Variants in SAPCD2 observed in about 807,000 individuals in gnomAD.
The protein encoded by SAPCD2 is suppressor APC domain containing 2.
A neutral mutation model predicts 37.8 loss-of-function variants in SAPCD2; 34 were observed. The ratio of observed to expected loss-of-function variants is 0.90; its 90% CI spans 0.68 to 1.20. The LOEUF (loss-of-function observed/expected upper bound fraction) is 1.20, where lower values mean the gene tolerates loss of function less well. Ranked by LOEUF, SAPCD2 falls within the 50% of genes most tolerant of loss-of-function variation. The probability of loss-of-function intolerance (pLI) is 0.00; values close to 1 mark genes in which losing one functional copy is unlikely to be tolerated. For synonymous variants in SAPCD2, 275 were observed against 270.3 expected (o/e 1.02, Z -0.17); for missense variants, 572 against 584.7 (o/e 0.98, Z 0.22).
At chr9:137,068,563 C>G (rs1832581518) in intron 1 of SAPCD2, among the ~76,000 whole-genome samples, 1 of 152,232 alleles carries the variant, frequency 6.6e-6, no homozygotes, top group Non-Finnish European at 1.5e-5. Context: ...GTTGGGGTGA[C>G]CTCAGAGCTC....
rs895028942 is a variant in SAPCD2, at chr9:137,070,148, G to A, written c.313C>T (p.Pro105Ser). Reference sequence around the variant, plus strand: ...CCGGGCCGGGCCGGGGCGCGCGTGGGGTCCCGGGGGCCGCCGTCGGCGCTC... The same window carrying A: ...CCGGGCCGGGCCGGGGCGCGCGTGGAGTCCCGGGGGCCGCCGTCGGCGCTC... ...LLSADGGPRD[P>S]TRAPARPGDQ... Residue 105 changes from proline to serine, a missense_variant, in exon 1 of 6, where the codon CCC (proline) becomes TCC (serine). Physicochemically the swap from Pro to Ser is moderately conservative, Grantham distance 74. Coordinates refer to ENST00000409687, the MANE Select transcript of SAPCD2 (RefSeq NM_178448.4). 8 of 1,205,742 alleles carry A rather than the reference G, an allele frequency of 6.6e-6. No individual in the cohort carries two copies. In the African/African-American group the frequency reaches 1.1e-4, roughly 17 times the overall value. The allele number at this position is 1,205,742 out of a possible 1,614,324, so 74.7% of individuals were successfully genotyped here. A position where few individuals can be genotyped will look rare whatever the true frequency, so the allele number is the denominator to read the frequency against.
chr9:137,066,051 C>T (rs1233953046), intron 2 of SAPCD2, among the ~76,000 whole-genome samples: 2 of 152,214 alleles, frequency 1.3e-5, no homozygotes, highest in African/African-American at 2.4e-5. Context: ...TGGGCAGCCA[C>T]CATAGCTGCC....
In SAPCD2 at chr9:137,063,811, G is replaced by C. The variant is rs1188134836; in HGVS notation, c.*848C>G. On this transcript the variant is annotated 3_prime_UTR_variant, in exon 6 of 6. Transcript: ENST00000409687. ...TGAAACCTGGGGACAGGCTGGGCGT[G>C]AGAGCAAAGGGGGGTGAGCAGGACC... The C allele has an allele frequency of 6.6e-6, 1 of 152,356 alleles. No individual in the cohort carries two copies. Among genetic ancestry groups the C allele is most frequent in the African/African-American group, 2.4e-5 (1 of 41,450 alleles). The allele number at this position is 152,356 out of a possible 1,614,324, so 9.4% of individuals were successfully genotyped here. A position where few individuals can be genotyped will look rare whatever the true frequency, so the allele number is the denominator to read the frequency against.
At chr9:137,068,516 G>A (rs1588565615) in intron 1 of SAPCD2, among the ~76,000 whole-genome samples, 1 of 152,380 alleles carries the variant, frequency 6.6e-6, no homozygotes, top group South Asian at 2.1e-4. Context: ...TGGGCTGGGG[G>A]CTTGGAAGGC....
In SAPCD2 at chr9:137,066,962, G is replaced by A. The variant is rs543924249; in HGVS notation, c.572-588C>T. 7.9e-5 allele frequency among the ~76,000 whole-genome samples: 12 copies of A among 152,244 alleles called. No homozygotes were observed. The East Asian group carries it at 2.3e-3, about 30-fold the overall frequency. On this transcript the variant is annotated intron_variant, in intron 1 of 5. Coordinates refer to ENST00000409687, the MANE Select transcript of SAPCD2 (RefSeq NM_178448.4). ...GCTTGAGCTCAGGAGTTTGAGACCAGCCTGGGCAACATGGCAAAACCCCAT... is the reference window on the plus strand; with the variant it reads ...GCTTGAGCTCAGGAGTTTGAGACCAACCTGGGCAACATGGCAAAACCCCAT...
chr9:137,065,891 G>A (rs1195445948), intron 2 of SAPCD2, among the ~76,000 whole-genome samples: 1 of 152,224 alleles, frequency 6.6e-6, no homozygotes, highest in Non-Finnish European at 1.5e-5. Flanking sequence ...CTGCTGAGGG[G>A]TCTTGGCCTT....
chr9:137,067,059 C>G (rs1832555625), intron 1 of SAPCD2, among the ~76,000 whole-genome samples: 1 of 152,130 alleles, frequency 6.6e-6, no homozygotes, highest in South Asian at 2.1e-4. Flanking sequence ...ATGATCTTGG[C>G]TCACTGCAAC....
At chr9:137,067,421 A>G (rs947479904) in intron 1 of SAPCD2, among the ~76,000 whole-genome samples, 1 of 151,612 alleles carries the variant, frequency 6.6e-6, no homozygotes, top group African/African-American at 2.4e-5. Flanking sequence ...CACTGAGCCC[A>G]GATTGCGCCA....
Position 137,062,563 on chromosome 9 carries a change from A to G in SAPCD2, c.*2096T>C, listed in dbSNP as rs1832475649. 6.6e-6 allele frequency: 1 copy of G among 152,186 alleles called. No homozygotes were observed. Among genetic ancestry groups the G allele is most frequent in the South Asian group, 2.1e-4 (1 of 4,834 alleles). The allele number at this position is 152,186 out of a possible 1,614,324, so 9.4% of individuals were successfully genotyped here. ...TCCTGAGACATTTCCGGGTGTCATC[A>G]CAGTGTGCACGCACGTGTATGTACC... On this transcript the variant is annotated 3_prime_UTR_variant, in exon 6 of 6. Transcript: ENST00000409687.
In SAPCD2 at chr9:137,070,074, G is replaced by A. The variant is rs1832602095; in HGVS notation, c.387C>T (p.Asp129=). Residue 129 remains aspartate (D), a synonymous_variant, in exon 1 of 6, where the codon GAC becomes GAT. Transcript: ENST00000409687. ...PPQRLVFAPA[D]EPRTVLERKP... is the part of the protein sequence containing the mutation. ...TCCTCTCCAGGACCGTCCGCGGCTC[G>A]TCGGCCGGAGCGAACACCAGGCGCT... is the stretch of plus-strand genomic sequence containing the variant. 1.7e-6 allele frequency: 2 copies of A among 1,193,790 alleles called. No homozygotes were observed. The highest frequency in any genetic ancestry group is 2.1e-6 in the Non-Finnish European group (2 of 963,648). 73.9% of individuals were successfully genotyped at this position (1,193,790 alleles called of 1,614,324 possible). A position where few individuals can be genotyped will look rare whatever the true frequency, so the allele number is the denominator to read the frequency against.
In SAPCD2 at chr9:137,065,678, G is replaced by A. The variant is rs537713409; in HGVS notation, c.685-10C>T. The A allele has an allele frequency of 1.8e-5, 29 of 1,595,348 alleles. No homozygotes were observed. Among genetic ancestry groups the A allele is most frequent in the Admixed American group, 5.1e-5 (3 of 58,694 alleles). On this transcript the variant is annotated splice_polypyrimidine_tract_variant and intron_variant, in intron 2 of 5. Transcript: ENST00000409687. ...CCTTCATCTGCTTCAGCTGCAATAC[G>A]TGCATTTACATGGAATGCCTGGCCC...
chr9:137,067,366 G>T (rs981392998), intron 1 of SAPCD2, among the ~76,000 whole-genome samples: 3 of 151,928 alleles, frequency 2.0e-5, no homozygotes, highest in African/African-American at 4.8e-5. Context: ...GGCTACTCAG[G>T]AGCCTGAGGC....
At chr9:137,065,427 G>T in intron 3 of SAPCD2, 95 bp downstream of exon 3, 1 of 1,402,620 alleles carries the variant, frequency 7.1e-7, no homozygotes, top group Non-Finnish European at 9.5e-7. Flanking sequence ...CAGCCACTGT[G>T]TCCGGGAATA....
intron 1 of SAPCD2, among the ~76,000 whole-genome samples, chr9:137,067,544 G>A (rs1372547601): frequency 2.0e-5 from 3 of 150,770 alleles, no homozygotes; most frequent in East Asian, 4.0e-4. Context: ...AGCTGGGGCG[G>A]GGGGGGATCA....
At position 137,064,543 on chromosome 9, in the gene SAPCD2, G is replaced by T; in HGVS notation, c.*116C>A. On this transcript the variant is annotated 3_prime_UTR_variant, in exon 6 of 6. Transcript: ENST00000409687. ...GGCGGCAGGAAGGCGCCCACTCCGG[G>T]ACTGTGCCTGGGCCTGCCGGGGGTC... 1 of 1,272,082 alleles carries T rather than the reference G, an allele frequency of 7.9e-7. No homozygotes were observed. The highest frequency in any genetic ancestry group is 1.1e-6 in the Non-Finnish European group (1 of 911,274). 78.8% of individuals were successfully genotyped at this position (1,272,082 alleles called of 1,614,324 possible).
chr9:137,065,607 A>T lies in SAPCD2; in HGVS notation c.746T>A (p.Met249Lys). 6.2e-7 allele frequency: 1 copy of T among 1,610,344 alleles called. No individual in the cohort carries two copies. The highest frequency in any genetic ancestry group is 8.5e-7 in the Non-Finnish European group (1 of 1,178,178). The change falls in exon 3 of 6, where the codon ATG (methionine) becomes AAG (lysine). Residue 249 changes from methionine (M) to lysine (K), a missense_variant. Physicochemically the swap from Met to Lys is moderately conservative, Grantham distance 95 (BLOSUM62 -1). Coordinates refer to ENST00000409687, the MANE Select transcript of SAPCD2 (RefSeq NM_178448.4). The part of the protein sequence containing the change: ...KEVLLQGLEM[M>K]ARGRDWYQQQ... ...CTGGTACCAGTCGCGGCCCCGCGCC[A>T]TCATCTCCAAACCCTGCAGCAGCAC...
chr9:137,069,846 C>G, intron 1 of SAPCD2, 44 bp downstream of exon 1: 2 of 1,208,888 alleles, frequency 1.7e-6, no homozygotes, highest in African/African-American at 3.2e-5. Flanking sequence ...CTGGCCCGGG[C>G]CCGGGAGAGC....
In SAPCD2 at chr9:137,070,427, C is replaced by A. The variant is rs1292094204; in HGVS notation, c.34G>T (p.Val12Leu). ...CTGGGCGCGGGTGCGGGGGGAGGCA[C>A]GCGGCCCCGCTCGGCCATGGCGGCC... ...AGAAMAERGR[V>L]PPPAPAPSTE... The change falls in exon 1 of 6, where the codon GTG becomes TTG. Residue 12 changes from valine to leucine, a missense_variant. By Grantham distance (32) the Val-to-Leu change is conservative. Coordinates refer to ENST00000409687, the MANE Select transcript of SAPCD2 (RefSeq NM_178448.4). 1 of 1,280,382 alleles carries A rather than the reference C, an allele frequency of 7.8e-7. No individual in the cohort carries two copies. Among genetic ancestry groups the A allele is most frequent in the South Asian group, 2.5e-5 (1 of 39,634 alleles). The allele number at this position is 1,280,382 out of a possible 1,614,324, so 79.3% of individuals were successfully genotyped here. A position where few individuals can be genotyped will look rare whatever the true frequency, so the allele number is the denominator to read the frequency against.
Position 137,069,947 on chromosome 9 carries a change from C to A in SAPCD2, c.514G>T (p.Ala172Ser). ...CAPAEAAPCP[A>S]EPERSQSAAL... ...GCGCTCTGGGACCGCTCGGGCTCCG[C>A]GGGGCAGGGCGCCGCCTCAGCCGGG... The change falls in exon 1 of 6, where the codon GCG becomes TCG. Residue 172 changes from alanine (A) to serine (S), a missense_variant. Transcript: ENST00000409687. The A allele has an allele frequency of 7.9e-7, 1 of 1,260,450 alleles. No individual in the cohort carries two copies. The highest frequency in any genetic ancestry group is 2.9e-5 in the South Asian group (1 of 34,554). 78.1% of individuals were successfully genotyped at this position (1,260,450 alleles called of 1,614,324 possible).
Sources: allele counts gnomAD v4.1 joint callset (sites outside exome capture counted in the v4.1 genomes callset), GRCh38; gene constraint gnomAD v4.1.1; transcripts MANE v1.5; gene names NCBI Gene and HGNC (gene_info 2026-07-23, HGNC 2026-07-21).